KCNH5: variants seen among roughly 807,000 people sequenced by gnomAD.
The protein encoded by KCNH5 is voltage-gated delayed rectifier potassium channel KCNH5.
In KCNH5, 46 loss-of-function variants were observed where a neutral mutation model predicts 96.1. That is an observed-to-expected ratio of 0.48 (90% CI 0.38 to 0.61). KCNH5 has a LOEUF of 0.61. Ranked by LOEUF, KCNH5 falls within the 20% of genes least tolerant of loss-of-function variation. KCNH5 has a pLI of 0.00. For synonymous variants in KCNH5, 439 were observed against 449.8 expected (o/e 0.98, Z 0.30); for missense variants, 907 against 1,225.8 (o/e 0.74, Z 3.88).
intron 1 of KCNH5, among the ~76,000 whole-genome samples, chr14:63,028,976 A>T (rs901545880): frequency 6.6e-6 from 1 of 152,252 alleles, no homozygotes; most frequent in Admixed American, 6.5e-5. Context: ...CTCTCCATTC[A>T]TCTTTATACT....
chr14:62,713,545 T>C (rs1884618490), intron 10 of KCNH5, among the ~76,000 whole-genome samples: 1 of 152,204 alleles, frequency 6.6e-6, no homozygotes, highest in Non-Finnish European at 1.5e-5. Flanking sequence ...TCTTTCCTAC[T>C]GCAAGGTAAG....
intron 10 of KCNH5, among the ~76,000 whole-genome samples, chr14:62,728,222 C>T (rs1450697230): frequency 4.7e-5 from 1 of 21,412 alleles, no homozygotes; most frequent in Non-Finnish European, 2.6e-4. Context: ...CTCTATTAAA[C>T]TACAAAAAAA....
intron 10 of KCNH5, among the ~76,000 whole-genome samples, chr14:62,729,745 G>A (rs1030118739): frequency 1.3e-5 from 2 of 152,180 alleles, no homozygotes; most frequent in Non-Finnish European, 1.5e-5. Context: ...CCACATGGCT[G>A]AGCTCTAGCT....
At position 62,703,999 on chromosome 14, in the gene KCNH5, A is replaced by G. The variant is rs1214630816; in HGVS notation, c.*3509T>C. 6.6e-6 allele frequency: 1 copy of G among 151,912 alleles called. No individual in the cohort carries two copies. The highest frequency in any genetic ancestry group is 6.6e-5 in the Admixed American group (1 of 15,232). 9.4% of individuals were successfully genotyped at this position (151,912 alleles called of 1,614,324 possible). On this transcript the variant is annotated 3_prime_UTR_variant, in exon 11 of 11. Transcript: ENST00000322893. ...CTTTAGCTATTTAAAATAAGATATCAAATGGACCAGATATCACAGGGTGAA... is the reference window on the plus strand; with the variant it reads ...CTTTAGCTATTTAAAATAAGATATCGAATGGACCAGATATCACAGGGTGAA...
At chr14:62,873,564 G>C (rs1056204074) in intron 7 of KCNH5, among the ~76,000 whole-genome samples, 12 of 152,180 alleles carry the variant, frequency 7.9e-5, no homozygotes, top group African/African-American at 2.9e-4. Flanking sequence ...CATATGGGAA[G>C]TATAATTGTA....
At chr14:62,895,548 G>T (rs994423346) in intron 7 of KCNH5, among the ~76,000 whole-genome samples, 1 of 152,038 alleles carries the variant, frequency 6.6e-6, no homozygotes, top group African/African-American at 2.4e-5. Context: ...GTCCAGGCTG[G>T]TCTCAAACTC....
chr14:63,031,659 G>A (rs1464186907), intron 1 of KCNH5, among the ~76,000 whole-genome samples: 1 of 152,086 alleles, frequency 6.6e-6, no homozygotes, highest in African/African-American at 2.4e-5. Context: ...AATAAGTCTA[G>A]GGATCTAATG....
At chr14:63,029,088 T>C (rs1275545265) in intron 1 of KCNH5, among the ~76,000 whole-genome samples, 3 of 152,174 alleles carry the variant, frequency 2.0e-5, no homozygotes, top group East Asian at 1.9e-4. Flanking sequence ...TTTAACTATA[T>C]GCACTCTGAG....
At chr14:62,741,570 G>A (rs1431748903) in intron 10 of KCNH5, among the ~76,000 whole-genome samples, 2 of 152,040 alleles carry the variant, frequency 1.3e-5, no homozygotes, top group Non-Finnish European at 2.9e-5. Context: ...ATAACATAAA[G>A]CATGGAAAGG....
intron 8 of KCNH5, among the ~76,000 whole-genome samples, chr14:62,816,718 C>G (rs1886986353): frequency 6.6e-6 from 1 of 151,858 alleles, no homozygotes; most frequent in East Asian, 1.9e-4. Flanking sequence ...ACATATGCAC[C>G]ATAATAAATA....
chr14:62,908,734 T>A (rs1330633104), intron 7 of KCNH5, among the ~76,000 whole-genome samples: 2 of 147,026 alleles, frequency 1.4e-5, no homozygotes, highest in Non-Finnish European at 3.0e-5. Flanking sequence ...CCCAGTGTCC[T>A]CCAGACTTTG....
intron 7 of KCNH5, among the ~76,000 whole-genome samples, chr14:62,865,600 C>T (rs1283606504): frequency 1.3e-5 from 2 of 152,110 alleles, no homozygotes; most frequent in African/African-American, 2.4e-5. Context: ...CTGGAGGGCC[C>T]GGGGGCTATC....
chr14:62,993,717 G>A (rs1200422822), intron 4 of KCNH5, among the ~76,000 whole-genome samples: 1 of 151,974 alleles, frequency 6.6e-6, no homozygotes, highest in Non-Finnish European at 1.5e-5. Flanking sequence ...AAGTTGAGCT[G>A]CCATACTGTC....
intron 1 of KCNH5, among the ~76,000 whole-genome samples, chr14:63,018,150 A>G (rs1891360352): frequency 6.6e-6 from 1 of 151,956 alleles, no homozygotes; most frequent in Non-Finnish European, 1.5e-5. Flanking sequence ...CACAAACTGG[A>G]AAAGATAAAC....
intron 7 of KCNH5, among the ~76,000 whole-genome samples, chr14:62,893,831 C>T (rs548544526): frequency 6.6e-6 from 1 of 152,292 alleles, no homozygotes; most frequent in South Asian, 2.1e-4. Context: ...GAAAGAAGTT[C>T]TATTGTGGGT....
chr14:62,733,303 C>T (rs1218869368), intron 10 of KCNH5, among the ~76,000 whole-genome samples: 1 of 152,072 alleles, frequency 6.6e-6, no homozygotes, highest in East Asian at 1.9e-4. Context: ...GGGTAGAACC[C>T]TTATGATGGA....
chr14:62,809,036 A>C (rs1173672989), intron 8 of KCNH5, among the ~76,000 whole-genome samples: 2 of 152,148 alleles, frequency 1.3e-5, no homozygotes, highest in Non-Finnish European at 2.9e-5. Context: ...TAATTGAATT[A>C]ACTTAACCAA....
intron 7 of KCNH5, among the ~76,000 whole-genome samples, chr14:62,910,728 C>T (rs1039388004): frequency 6.6e-6 from 1 of 152,232 alleles, no homozygotes. Flanking sequence ...GGGCTCTGTA[C>T]GGTTCTTTGA....
chr14:62,947,737 A>ACACACACACACAC (rs558787455), intron 7 of KCNH5, among the ~76,000 whole-genome samples: 1 of 152,004 alleles, frequency 6.6e-6, no homozygotes, highest in African/African-American at 2.4e-5. Context: ...ACACACACAC[A>ACACACACACACAC]AAAACCGATG....
Sources: allele counts gnomAD v4.1 joint callset (sites outside exome capture counted in the v4.1 genomes callset), GRCh38; gene constraint gnomAD v4.1.1; transcripts MANE v1.5; gene names NCBI Gene and HGNC (gene_info 2026-07-23, HGNC 2026-07-21).